The following ASXL1 variants were observed in gnomAD, a reference collection of about 807,000 sequenced individuals.
ASXL1 encodes the protein polycomb group protein ASXL1.
In ASXL1, 65 loss-of-function variants were observed where a neutral mutation model predicts 89.1. The observed-to-expected ratio is 0.73, with a 90% CI of 0.60 to 0.90. ASXL1 has a LOEUF of 0.90. Ranked by LOEUF, ASXL1 falls within the 40% of genes least tolerant of loss-of-function variation. ASXL1 has a pLI of 0.00. For missense variants in ASXL1, 1,786 were observed against 1,942.9 expected, an observed-to-expected ratio of 0.92 and a Z score of 1.52; for synonymous variants, 739 against 746.9, an observed-to-expected ratio of 0.99 and a Z score of 0.17.
At chr20:32,390,728 C>G (rs1043319547) in intron 4 of ASXL1, among the ~76,000 whole-genome samples, 2 of 152,140 alleles carry the variant, frequency 1.3e-5, no homozygotes, top group Admixed American at 6.6e-5. Context: ...ACCCCCAGCT[C>G]CTGGTGACCA....
intron 4 of ASXL1, among the ~76,000 whole-genome samples, chr20:32,403,671 T>C (rs1231356335): frequency 6.6e-6 from 1 of 152,178 alleles, no homozygotes; most frequent in African/African-American, 2.4e-5. Context: ...TGCCTCAGCC[T>C]CCCAAAGTGC....
chr20:32,435,226 G>T lies in ASXL1; in HGVS notation c.2514G>T (p.Lys838Asn), dbSNP rs763660723. ...CTCTTGACAGTCATCCCACTATGAA[G>T]GATCCTGTAAATGTGACCCCCAGTT... ...GQALDSHPTMKDPVNVTPSST... is the reference protein window; with the variant it reads ...GQALDSHPTMNDPVNVTPSST... The change falls in exon 13 of 13, where the codon AAG (lysine) becomes AAT (asparagine). Residue 838 changes from lysine (K) to asparagine (N), a missense_variant. Coordinates refer to ENST00000375687, the MANE Select transcript of ASXL1 (RefSeq NM_015338.6). 3.7e-5 allele frequency: 60 copies of T among 1,613,882 alleles called. No individual in the cohort carries two copies. The highest frequency in any genetic ancestry group is 4.8e-5 in the Non-Finnish European group (57 of 1,180,034).
In ASXL1 at chr20:32,361,913, A is replaced by G. The variant is rs1348723954; in HGVS notation, c.57+3081A>G. 3.3e-5 allele frequency among the ~76,000 whole-genome samples: 5 copies of G among 151,908 alleles called. No individual in the cohort carries two copies. The South Asian group carries it at 6.3e-4, about 19-fold the overall frequency. On this transcript the variant is annotated intron_variant, in intron 1 of 12. Transcript: ENST00000375687. ...AAACCCCGTCTCTACTAAAAATACA[A>G]AAATTAGCCAGGCATGGTGATGGTG...
chr20:32,432,206 A>G (rs2011538341), intron 10 of ASXL1, among the ~76,000 whole-genome samples: 1 of 152,184 alleles, frequency 6.6e-6, no homozygotes, highest in East Asian at 1.9e-4. Context: ...AAATCAGCAG[A>G]TGGAGAGGCA....
intron 4 of ASXL1, chr20:32,371,798 G>A (rs2048305286): frequency 2.2e-6 from 1 of 448,954 alleles, no homozygotes; most frequent in Non-Finnish European, 4.5e-6. Flanking sequence ...TTGCTATGTT[G>A]GTTAAACTGG....
Position 32,359,526 on chromosome 20 carries a change from T to G in ASXL1, c.57+694T>G, listed in dbSNP as rs549781751. ...GCGCTTTCACCAGCTTCCCAGGTGATTCAAACGCAGTGGCTCACGGACCCC... is the reference window on the plus strand; with the variant it reads ...GCGCTTTCACCAGCTTCCCAGGTGAGTCAAACGCAGTGGCTCACGGACCCC... On this transcript the variant is annotated intron_variant, in intron 1 of 12. Coordinates refer to ENST00000375687, the MANE Select transcript of ASXL1 (RefSeq NM_015338.6). The G allele has an allele frequency of 2.3e-5, 15 of 646,464 alleles. No individual in the cohort carries two copies. In the South Asian group the frequency reaches 2.6e-4, roughly 11 times the overall value. The allele number at this position is 646,464 out of a possible 1,614,324, so 40.0% of individuals were successfully genotyped here.
intron 4 of ASXL1, among the ~76,000 whole-genome samples, chr20:32,418,234 T>C (rs538185437): frequency 6.6e-6 from 1 of 151,112 alleles, no homozygotes; most frequent in East Asian, 1.9e-4. Flanking sequence ...TAGCCTGGAG[T>C]GGTGGTGCAT....
Position 32,435,686 on chromosome 20 carries a change from CTGAGTCCTCACGG to C in ASXL1, c.2982_2994del (p.His995ArgfsTer25). 1 of 1,614,216 alleles carries C rather than the reference CTGAGTCCTCACGG, an allele frequency of 6.2e-7. No homozygotes were observed. Among genetic ancestry groups the C allele is most frequent in the Non-Finnish European group, 8.5e-7 (1 of 1,180,042 alleles). On this transcript the variant is annotated frameshift_variant, in exon 13 of 13. Coordinates refer to ENST00000375687, the MANE Select transcript of ASXL1 (RefSeq NM_015338.6). LOFTEE classifies it low-confidence loss of function (END_TRUNC). ...GAAAATCAACGGAGACTCTGAAGCA[CTGAGTCCTCACGG>C]TGAGTCCACGGATACAGCCTCTGAC... is the stretch of plus-strand genomic sequence containing the variant.
At chr20:32,405,761 TA>T (rs2048943714) in intron 4 of ASXL1, among the ~76,000 whole-genome samples, 1 of 152,216 alleles carries the variant, frequency 6.6e-6, no homozygotes, top group Non-Finnish European at 1.5e-5. Flanking sequence ...TTGTCAGGTA[TA>T]GCAGAGAAGT....
At chr20:32,420,263 C>T (rs1039877297) in intron 4 of ASXL1, among the ~76,000 whole-genome samples, 1 of 151,978 alleles carries the variant, frequency 6.6e-6, no homozygotes, top group African/African-American at 2.4e-5. Flanking sequence ...TCAGCCTTCT[C>T]CTAAGAGATA....
intron 4 of ASXL1, among the ~76,000 whole-genome samples, chr20:32,425,466 T>C (rs2011248729): frequency 6.6e-6 from 1 of 152,222 alleles, no homozygotes; most frequent in Admixed American, 6.5e-5. Context: ...TCAGTGTACT[T>C]GTTCTACTCC....
intron 4 of ASXL1, among the ~76,000 whole-genome samples, chr20:32,416,027 G>C (rs1409428568): frequency 6.6e-6 from 1 of 152,144 alleles, no homozygotes. Context: ...AAAGATGTCA[G>C]TTCTTCCCAA....
chr20:32,363,980 G>T (rs1373611504), intron 1 of ASXL1, among the ~76,000 whole-genome samples: 1 of 152,204 alleles, frequency 6.6e-6, no homozygotes, highest in Non-Finnish European at 1.5e-5. Flanking sequence ...GCCAGACATT[G>T]TAGGCATTAC....
At chr20:32,426,541 CTTTTTTTTCTTTCTTTTTTTTTTTTT>C (rs2011298400) in intron 4 of ASXL1, among the ~76,000 whole-genome samples, 1 of 92,564 alleles carries the variant, frequency 1.1e-5, no homozygotes, top group Non-Finnish European at 2.3e-5. Flanking sequence ...AAACTGTTTT[CTTTTTTTTCTTTCTTTTTTTTTTTTT>C]TTTTTTTTTT....
Position 32,435,180 on chromosome 20 carries a change from T to A in ASXL1, c.2468T>A (p.Leu823Ter). Residue 823 changes from leucine (L) to a stop codon, truncating the protein, a stop_gained, in exon 13 of 13, where the codon TTA becomes TAA. Transcript: ENST00000375687. LOFTEE classifies it low-confidence loss of function (END_TRUNC). ...PIPSLVGDDT[L>*]EKGTGQALDS... ...CCGTCTCTAGTGGGAGATGATACAT[T>A]AGAGAAAGGAACTGGCCAAGCTCTT... 3 of 1,613,794 alleles carry A rather than the reference T, an allele frequency of 1.9e-6. No individual in the cohort carries two copies. Among genetic ancestry groups the A allele is most frequent in the Non-Finnish European group, 2.5e-6 (3 of 1,179,990 alleles).
chr20:32,419,457 G>C (rs2049200306), intron 4 of ASXL1, among the ~76,000 whole-genome samples: 1 of 152,046 alleles, frequency 6.6e-6, no homozygotes, highest in African/African-American at 2.4e-5. Context: ...TCCTTCCTCA[G>C]CTTCCCAAAG....
chr20:32,371,998 G>T lies in ASXL1; in HGVS notation c.252+2875G>T. 4.5e-6 allele frequency: 3 copies of T among 660,188 alleles called. No homozygotes were observed. The South Asian group carries it at 5.1e-5, about 11-fold the overall frequency. 40.9% of individuals were successfully genotyped at this position (660,188 alleles called of 1,614,324 possible). ...TTTATTACAAATATGCCTGTTAATG[G>T]TATATTCTGTTTTTAAAAGGAAGGA... On this transcript the variant is annotated intron_variant, in intron 4 of 12. Coordinates refer to ENST00000375687, the MANE Select transcript of ASXL1 (RefSeq NM_015338.6).
chr20:32,358,487 T>A lies in ASXL1; in HGVS notation c.-289T>A, dbSNP rs1442459230. ...GCCGTGACCTCTGACCCCGTGGTTA[T>A]GCGGAGCCGCCGCATTCCTTAGCGA... On this transcript the variant is annotated 5_prime_UTR_variant, in exon 1 of 13. It removes an upstream start codon present in the reference 5' UTR. Transcript: ENST00000375687. 1 of 230,562 alleles carries A rather than the reference T, an allele frequency of 4.3e-6. No homozygotes were observed. The highest frequency in any genetic ancestry group is 6.1e-5 in the East Asian group (1 of 16,456). The allele number at this position is 230,562 out of a possible 1,614,324, so 14.3% of individuals were successfully genotyped here.
intron 4 of ASXL1, among the ~76,000 whole-genome samples, chr20:32,426,554 C>CTTTCTTTTTTTTTTTTTTT (rs2011305507): frequency 1.2e-5 from 1 of 83,950 alleles, no homozygotes; most frequent in Admixed American, 1.6e-4. Context: ...TTTTTTCTTT[C>CTTTCTTTTTTTTTTTTTTT]TTTTTTTTTT....
Sources: gnomAD v4.1 joint callset for allele counts (sites outside exome capture counted in the v4.1 genomes callset) on GRCh38, gnomAD v4.1.1 for gene constraint, MANE v1.5 for transcripts, NCBI Gene and HGNC (gene_info 2026-07-23, HGNC 2026-07-21) for gene names.